Variants in KCNH1 observed in about 807,000 individuals in gnomAD.
The protein encoded by KCNH1 is voltage-gated delayed rectifier potassium channel KCNH1.
KCNH1 carries 27 observed loss-of-function variants against 69.2 expected under a neutral mutation model. The ratio of observed to expected loss-of-function variants is 0.39; its 90% CI spans 0.29 to 0.54. The LOEUF (loss-of-function observed/expected upper bound fraction) is 0.54, where lower values mean the gene tolerates loss of function less well. Among genes scored for constraint, KCNH1 ranks in the 20% least tolerant of loss-of-function variants. The pLI is 0.68. For synonymous variants in KCNH1, 456 were observed against 487.7 expected (o/e 0.93, Z 0.86); for missense variants, 798 against 1,261.6 (o/e 0.63, Z 5.57).
At chr1:210,792,303 T>C (rs1291293388) in intron 9 of KCNH1, among the ~76,000 whole-genome samples, 1 of 152,168 alleles carries the variant, frequency 6.6e-6, no homozygotes, top group East Asian at 1.9e-4. Context: ...GTCAACCCCC[T>C]TTCTAAAACT....
In KCNH1 at chr1:211,057,726, G is replaced by A. The variant is rs149247463; in HGVS notation, c.558+25054C>T. On this transcript the variant is annotated intron_variant, in intron 5 of 10. Coordinates refer to ENST00000271751, the MANE Select transcript of KCNH1 (RefSeq NM_172362.3). Reference sequence around the variant, plus strand: ...AAGAGAGAGAGAGAGAGACAGACACGAACTACAAAATAGTCTCAAAAGTTA... The same window carrying A: ...AAGAGAGAGAGAGAGAGACAGACACAAACTACAAAATAGTCTCAAAAGTTA... Among the ~76,000 whole-genome samples, 322 of 151,448 alleles carry A rather than the reference G, an allele frequency of 2.1e-3. 2 individuals are homozygous for A. Among genetic ancestry groups the A allele is most frequent in the African/African-American group, 7.0e-3 (288 of 41,312 alleles).
chr1:210,807,935 T>G (rs1226918538), intron 7 of KCNH1, among the ~76,000 whole-genome samples: 2 of 152,130 alleles, frequency 1.3e-5, no homozygotes, highest in East Asian at 3.9e-4. Context: ...TAAACAAGGA[T>G]CAAAGAGTTC....
chr1:210,889,551 C>T (rs61802914), intron 7 of KCNH1, among the ~76,000 whole-genome samples: 73 of 152,260 alleles, frequency 4.8e-4, no homozygotes, highest in African/African-American at 1.8e-3. Context: ...GAAGTTTTTG[C>T]CAGGGCAATC....
intron 5 of KCNH1, among the ~76,000 whole-genome samples, chr1:211,044,306 T>A (rs1690053310): frequency 6.6e-6 from 1 of 152,072 alleles, no homozygotes. Context: ...AGCGACCAAG[T>A]GGAGAACCAA....
At chr1:210,911,837 ATAAT>A (rs1258024275) in intron 7 of KCNH1, among the ~76,000 whole-genome samples, 2 of 152,158 alleles carry the variant, frequency 1.3e-5, no homozygotes, top group Admixed American at 1.3e-4. Context: ...TTTTGTCACC[ATAAT>A]TATAGTTCAA....
At chr1:210,937,507 C>T (rs943847032) in intron 6 of KCNH1, among the ~76,000 whole-genome samples, 1 of 152,164 alleles carries the variant, frequency 6.6e-6, no homozygotes, top group Non-Finnish European at 1.5e-5. Flanking sequence ...TATGCAAGAC[C>T]CTTTTGGCTA....
chr1:210,978,056 T>A (rs550868720), intron 6 of KCNH1, among the ~76,000 whole-genome samples: 1 of 152,020 alleles, frequency 6.6e-6, no homozygotes, highest in East Asian at 1.9e-4. Flanking sequence ...TTTTTTTTTT[T>A]TTAGATGGAG....
At chr1:210,749,429 C>T (rs970505164) in intron 10 of KCNH1, among the ~76,000 whole-genome samples, 3 of 152,180 alleles carry the variant, frequency 2.0e-5, no homozygotes, top group Non-Finnish European at 4.4e-5. Context: ...ATGAGCAATA[C>T]CCACAGGGCC....
intron 7 of KCNH1, among the ~76,000 whole-genome samples, chr1:210,894,513 G>C (rs1401185344): frequency 6.6e-6 from 1 of 152,116 alleles, no homozygotes; most frequent in East Asian, 1.9e-4. Flanking sequence ...TTGAAGGCTT[G>C]AGGAAGATTC....
intron 6 of KCNH1, among the ~76,000 whole-genome samples, chr1:210,961,296 C>G (rs1205795890): frequency 1.3e-5 from 2 of 151,786 alleles, no homozygotes; most frequent in East Asian, 3.9e-4. Context: ...ATTCTTGTAA[C>G]AGCATCCTTC....
intron 7 of KCNH1, among the ~76,000 whole-genome samples, chr1:210,848,483 C>T (rs1268398249): frequency 2.0e-5 from 3 of 152,168 alleles, no homozygotes; most frequent in Admixed American, 6.5e-5. Flanking sequence ...TGGACTCTAG[C>T]GTCTCACCCA....
At position 210,865,119 on chromosome 1, in the gene KCNH1, T is replaced by C. The variant is rs114011520; in HGVS notation, c.1462+54521A>G. Among the ~76,000 whole-genome samples, 1,307 of 152,344 alleles carry C rather than the reference T, an allele frequency of 8.6e-3. 7 individuals are homozygous for C. Among genetic ancestry groups the C allele is most frequent in the Non-Finnish European group, 0.015 (1,001 of 68,036 alleles). ...GAGAACAAGTATCAAAGGCAAATTT[T>C]TAGAAGAACATGTGGAATGGAAGGT... is the stretch of plus-strand genomic sequence containing the variant. On this transcript the variant is annotated intron_variant, in intron 7 of 10. Coordinates refer to ENST00000271751, the MANE Select transcript of KCNH1 (RefSeq NM_172362.3).
chr1:210,816,081 G>A (rs927265847), intron 7 of KCNH1, among the ~76,000 whole-genome samples: 3 of 152,080 alleles, frequency 2.0e-5, no homozygotes, highest in African/African-American at 7.2e-5. Context: ...CTGCATTTCG[G>A]TTACACCAGC....
chr1:210,734,425 A>G (rs538622855), intron 10 of KCNH1, among the ~76,000 whole-genome samples: 13 of 152,338 alleles, frequency 8.5e-5, no homozygotes, highest in African/African-American at 2.6e-4. Context: ...CAAGAGAGAA[A>G]ATAGAGGCCC....
intron 10 of KCNH1, among the ~76,000 whole-genome samples, chr1:210,731,436 C>T (rs1682744145): frequency 1.3e-5 from 2 of 152,166 alleles, no homozygotes; most frequent in Non-Finnish European, 1.5e-5. Flanking sequence ...CTGGTTCATC[C>T]ACTTCTCTTT....
chr1:210,873,332 T>A (rs1296562320), intron 7 of KCNH1, among the ~76,000 whole-genome samples: 3 of 152,120 alleles, frequency 2.0e-5, no homozygotes, highest in Non-Finnish European at 2.9e-5. Flanking sequence ...TTTTAAAAAA[T>A]TTTTATATTT....
chr1:211,096,124 C>T (rs538064228), intron 3 of KCNH1, among the ~76,000 whole-genome samples: 11 of 152,052 alleles, frequency 7.2e-5, no homozygotes, highest in African/African-American at 2.2e-4. Context: ...GGTGCAGTGG[C>T]GCAATCTCAG....
At chr1:210,917,229 G>GAGAGAGAGAAAGAA (rs1430374011) in intron 7 of KCNH1, among the ~76,000 whole-genome samples, 106 of 78,862 alleles carry the variant, frequency 1.3e-3, no homozygotes, top group African/African-American at 3.4e-3. Context: ...GAGAGAGAGA[G>GAGAGAGAGAAAGAA]AGAAAGAAAG....
rs111610443 is a variant in KCNH1 at position 210,976,636 on chromosome 1, A to G, written c.1032+42147T>C. Among the ~76,000 whole-genome samples the G allele has an allele frequency of 7.6e-3, 1,119 of 147,958 alleles. 13 individuals carry two copies. Among genetic ancestry groups the G allele is most frequent in the Admixed American group, 0.012 (175 of 14,726 alleles). ...CCAAAGGATTATAAATCATGCTGCT[A>G]TAAAGACACATGCACATGTATGTTT... On this transcript the variant is annotated intron_variant, in intron 6 of 10. Coordinates refer to ENST00000271751, the MANE Select transcript of KCNH1 (RefSeq NM_172362.3).
Sources: gnomAD v4.1 joint callset for allele counts (sites outside exome capture counted in the v4.1 genomes callset) on GRCh38, gnomAD v4.1.1 for gene constraint, MANE v1.5 for transcripts, NCBI Gene and HGNC (gene_info 2026-07-23, HGNC 2026-07-21) for gene names.